Variants in HPSE2 observed in about 807,000 individuals in gnomAD.
HPSE2 encodes the protein heparanase 2 (inactive).
A neutral mutation model predicts 60.5 loss-of-function variants in HPSE2; 38 were observed. The ratio of observed to expected loss-of-function variants is 0.63; its 90% CI spans 0.48 to 0.82. HPSE2 has a LOEUF of 0.82. HPSE2 is among the 40% of genes least tolerant of loss of function. The pLI is 0.00. For synonymous variants in HPSE2, 295 were observed against 293.2 expected (o/e 1.01, Z -0.06); for missense variants, 713 against 740.4 (o/e 0.96, Z 0.43).
chr10:98,762,916 G>A (rs911656694), intron 3 of HPSE2, among the ~76,000 whole-genome samples: 5 of 152,060 alleles, frequency 3.3e-5, no homozygotes, highest in African/African-American at 1.2e-4. Context: ...AATTATCAAA[G>A]ACTTGAAAGC....
intron 3 of HPSE2, among the ~76,000 whole-genome samples, chr10:99,027,661 CACCACCACCACCACT>C (rs1366758990): frequency 2.3e-5 from 3 of 130,074 alleles, no homozygotes; most frequent in Non-Finnish European, 4.7e-5. Flanking sequence ...ACATGACAAA[CACCACCACCACCACT>C]ACCACCACCA....
chr10:99,212,998 AAGG>A lies in HPSE2; in HGVS notation c.448+19347_448+19349del, dbSNP rs1848999572. Among the ~76,000 whole-genome samples the A allele has an allele frequency of 7.2e-5, 11 of 152,298 alleles. No homozygotes were observed. The South Asian group carries it at 2.3e-3, about 32-fold the overall frequency. On this transcript the variant is annotated intron_variant, in intron 2 of 11. Transcript: ENST00000370552. ...AGAAATTAGGGCCATTGACTTCAAT[AAGG>A]AGGTTACCATTTTAGCATAAGGCCT...
chr10:98,635,195 G>T (rs1946465371), intron 7 of HPSE2, among the ~76,000 whole-genome samples: 1 of 152,190 alleles, frequency 6.6e-6, no homozygotes, highest in Non-Finnish European at 1.5e-5. Flanking sequence ...AGAAGGAAAT[G>T]AAGGCAAATA....
chr10:98,766,790 T>C (rs1432292526), intron 3 of HPSE2, among the ~76,000 whole-genome samples: 1 of 152,086 alleles, frequency 6.6e-6, no homozygotes, highest in Non-Finnish European at 1.5e-5. Context: ...CTGGGCATGG[T>C]GGTGCACACC....
intron 11 of HPSE2, among the ~76,000 whole-genome samples, chr10:98,472,287 T>C (rs1940811169): frequency 6.6e-6 from 1 of 152,098 alleles, no homozygotes; most frequent in Non-Finnish European, 1.5e-5. Flanking sequence ...TGAATGCTAG[T>C]GTTTAGAGTA....
chr10:99,006,042 C>T (rs1956884740), intron 3 of HPSE2, among the ~76,000 whole-genome samples: 1 of 152,146 alleles, frequency 6.6e-6, no homozygotes, highest in Admixed American at 6.5e-5. Flanking sequence ...GCCTAGGTCA[C>T]AGAGGGTAGG....
chr10:99,294,491 A>T, the HPSE2 span, among the ~76,000 whole-genome samples: 1 of 147,380 alleles, frequency 6.8e-6, no homozygotes, highest in South Asian at 2.1e-4. Flanking sequence ...ATATAAATAC[A>T]TATTATATAT....
intron 2 of HPSE2, among the ~76,000 whole-genome samples, chr10:99,227,235 T>C (rs1849501752): frequency 6.6e-6 from 1 of 152,046 alleles, no homozygotes; most frequent in Non-Finnish European, 1.5e-5. Context: ...ATTCATCATT[T>C]AGAATTCAGA....
chr10:99,060,084 G>T (rs1036702351), intron 3 of HPSE2, among the ~76,000 whole-genome samples: 2 of 150,820 alleles, frequency 1.3e-5, no homozygotes, highest in Non-Finnish European at 3.0e-5. Flanking sequence ...GGATATAAAA[G>T]AATAATTATT....
At chr10:98,655,347 C>A (rs748408365) in intron 6 of HPSE2, among the ~76,000 whole-genome samples, 2 of 152,080 alleles carry the variant, frequency 1.3e-5, no homozygotes, top group African/African-American at 2.4e-5. Flanking sequence ...CCAAAGACTG[C>A]AGCTCCCAGG....
intron 3 of HPSE2, among the ~76,000 whole-genome samples, chr10:99,119,092 A>AAAGGGAGGGAGGGAGG (rs1338935788): frequency 2.4e-5 from 1 of 41,610 alleles, no homozygotes; most frequent in African/African-American, 4.4e-5. Context: ...AAAGAAAGAG[A>AAAGGGAGGGAGGGAGG]GAGAGAGGGA....
intron 9 of HPSE2, 22 bp downstream of exon 9, chr10:98,614,882 G>C: frequency 6.9e-7 from 1 of 1,455,290 alleles, no homozygotes; most frequent in Non-Finnish European, 9.7e-7. Context: ...AAAGGGATTG[G>C]GAATCTTTAT....
chr10:98,796,138 G>C (rs1186091613), intron 3 of HPSE2, among the ~76,000 whole-genome samples: 1 of 152,204 alleles, frequency 6.6e-6, no homozygotes, highest in Non-Finnish European at 1.5e-5. Context: ...TTGAGAAAGA[G>C]GGAAAAGTAA....
chr10:98,499,499 G>A (rs1340497381), intron 9 of HPSE2, among the ~76,000 whole-genome samples: 3 of 152,130 alleles, frequency 2.0e-5, no homozygotes, highest in Non-Finnish European at 2.9e-5. Flanking sequence ...ACTGCTAAAA[G>A]GAGCTCTGAA....
At chr10:98,931,909 G>A (rs546445785) in intron 3 of HPSE2, among the ~76,000 whole-genome samples, 1 of 143,708 alleles carries the variant, frequency 7.0e-6, no homozygotes, top group African/African-American at 2.8e-5. Context: ...CATGTCATTG[G>A]CAAACAAAGA....
chr10:98,796,424 GA>G (rs1411699921), intron 3 of HPSE2, among the ~76,000 whole-genome samples: 1 of 152,224 alleles, frequency 6.6e-6, no homozygotes, highest in Non-Finnish European at 1.5e-5. Flanking sequence ...TGGCCACACA[GA>G]AAGGCTCCTC....
the HPSE2 span, among the ~76,000 whole-genome samples, chr10:99,305,961 A>ATACG: frequency 2.3e-4 from 24 of 103,054 alleles, 1 homozygote; most frequent in African/African-American, 3.9e-4. Context: ...ACTCACACAC[A>ATACG]CGCGCGCGCG....
chr10:98,595,465 C>T (rs532183823), intron 9 of HPSE2, among the ~76,000 whole-genome samples: 4 of 152,218 alleles, frequency 2.6e-5, no homozygotes, highest in African/African-American at 4.8e-5. Context: ...CCACCACACC[C>T]GGCCAAATGA....
chr10:99,305,973 G>GCACACACACA, the HPSE2 span, among the ~76,000 whole-genome samples: 153 of 44,026 alleles, frequency 3.5e-3, no homozygotes, highest in African/African-American at 6.5e-3. Context: ...GCGCGCGCGC[G>GCACACACACA]CGCGCGCACA....
Sources: allele counts gnomAD v4.1 joint callset (sites outside exome capture counted in the v4.1 genomes callset), GRCh38; gene constraint gnomAD v4.1.1; transcripts MANE v1.5; gene names NCBI Gene and HGNC (gene_info 2026-07-23, HGNC 2026-07-21).